The following SUPT3H variants were observed in gnomAD, a reference collection of about 807,000 sequenced individuals.
SUPT3H encodes transcription initiation protein SPT3 homolog.
A neutral mutation model predicts 44.3 loss-of-function variants in SUPT3H; 44 were observed. The ratio of observed to expected loss-of-function variants is 0.99; its 90% CI spans 0.78 to 1.28. The LOEUF (loss-of-function observed/expected upper bound fraction) is 1.28, where lower values mean the gene tolerates loss of function less well. Among genes scored for constraint, SUPT3H ranks in the 50% most tolerant of loss-of-function variants. SUPT3H has a pLI of 0.00. For missense variants in SUPT3H, 380 were observed against 387.1 expected (o/e 0.98, Z 0.15); for synonymous variants, 124 against 125.6 (o/e 0.99, Z 0.09).
At chr6:45,185,711 G>A (rs1814092122) in intron 2 of SUPT3H, among the ~76,000 whole-genome samples, 1 of 152,118 alleles carries the variant, frequency 6.6e-6, no homozygotes, top group African/African-American at 2.4e-5. Context: ...ACACACCTAG[G>A]GGCTACCCCA....
At chr6:45,105,831 C>G in intron 3 of SUPT3H, 91 bp downstream of exon 3, 1 of 976,928 alleles carries the variant, frequency 1.0e-6, no homozygotes, top group South Asian at 1.7e-5. Flanking sequence ...AGAATTCCAG[C>G]TGTAAATAAA....
chr6:45,372,027 A>G, intron 1 of SUPT3H: 1 of 961,324 alleles, frequency 1.0e-6, no homozygotes, highest in African/African-American at 1.8e-5. Context: ...AGAATATACA[A>G]ATAAAAGTTT....
chr6:44,889,304 A>G (rs562873856), intron 10 of SUPT3H, among the ~76,000 whole-genome samples: 14 of 152,274 alleles, frequency 9.2e-5, no homozygotes, highest in African/African-American at 3.1e-4. Flanking sequence ...AGCCCGCATC[A>G]CCAAGTCAAT....
At chr6:45,123,230 G>A (rs1285670570) in intron 2 of SUPT3H, among the ~76,000 whole-genome samples, 1 of 152,048 alleles carries the variant, frequency 6.6e-6, no homozygotes, top group Admixed American at 6.6e-5. Context: ...TCCAAAATTA[G>A]TACATACCAC....
chr6:44,868,378 A>T (rs1308698317), intron 10 of SUPT3H, among the ~76,000 whole-genome samples: 1 of 152,204 alleles, frequency 6.6e-6, no homozygotes, highest in Non-Finnish European at 1.5e-5. Flanking sequence ...CAATAATTAT[A>T]CTTTTTAAAG....
At chr6:44,858,455 T>C (rs1774092107) in intron 10 of SUPT3H, among the ~76,000 whole-genome samples, 1 of 152,234 alleles carries the variant, frequency 6.6e-6, no homozygotes, top group African/African-American at 2.4e-5. Flanking sequence ...GAACCTTCTG[T>C]ATTTTGTTGC....
At chr6:45,258,904 T>C (rs1773865794) in intron 2 of SUPT3H, among the ~76,000 whole-genome samples, 1 of 152,176 alleles carries the variant, frequency 6.6e-6, no homozygotes, top group South Asian at 2.1e-4. Context: ...ACAAAAATTT[T>C]TGTTCATTTT....
intron 2 of SUPT3H, among the ~76,000 whole-genome samples, chr6:45,284,711 A>C (rs895812243): frequency 6.6e-6 from 1 of 152,246 alleles, no homozygotes; most frequent in Non-Finnish European, 1.5e-5. Context: ...TCCAATCAAC[A>C]GAAAAAGAGG....
chr6:45,255,823 G>A (rs1201855376), intron 2 of SUPT3H, among the ~76,000 whole-genome samples: 1 of 152,244 alleles, frequency 6.6e-6, no homozygotes, highest in South Asian at 2.1e-4. Context: ...TATATTCGCA[G>A]ATATGTGCAA....
At chr6:45,184,924 C>A (rs1157440609) in intron 2 of SUPT3H, among the ~76,000 whole-genome samples, 1 of 152,158 alleles carries the variant, frequency 6.6e-6, no homozygotes, top group African/African-American at 2.4e-5. Flanking sequence ...TTACCACCCA[C>A]TTTCAGCAGG....
In SUPT3H at chr6:45,181,581, T is replaced by A. The variant is rs1348922116; in HGVS notation, c.102-75575A>T. ...GTCCTTTGTAGGGACATGGATGAAA[T>A]TGGAAATCATCATTCTCAGTAAACC... is the stretch of plus-strand genomic sequence containing the variant. On this transcript the variant is annotated intron_variant, in intron 2 of 10. Transcript: ENST00000371459. Among the ~76,000 whole-genome samples, 6 of 151,568 alleles carry A rather than the reference T, an allele frequency of 4.0e-5. No homozygotes were observed. The East Asian group carries it at 1.2e-3, about 30-fold the overall frequency.
intron 2 of SUPT3H, among the ~76,000 whole-genome samples, chr6:45,179,505 C>T (rs1484113163): frequency 1.3e-5 from 2 of 152,150 alleles, no homozygotes; most frequent in Admixed American, 6.5e-5. Flanking sequence ...CCAAATCCAG[C>T]AGCACATCAA....
At chr6:44,811,242 C>T (rs1766498890) in intron 11 of SUPT3H, among the ~76,000 whole-genome samples, 1 of 152,134 alleles carries the variant, frequency 6.6e-6, no homozygotes, top group Non-Finnish European at 1.5e-5. Context: ...GTCAGGTATT[C>T]TGTAATGCCT....
chr6:44,809,512 A>G (rs1377249667), intron 11 of SUPT3H: 1 of 152,264 alleles, frequency 6.6e-6, no homozygotes, highest in African/African-American at 2.4e-5. Flanking sequence ...CTACAGGGAC[A>G]GAGAGAAATA....
intron 2 of SUPT3H, among the ~76,000 whole-genome samples, chr6:45,224,888 C>A (rs1487444547): frequency 1.3e-5 from 2 of 151,872 alleles, no homozygotes; most frequent in Non-Finnish European, 2.9e-5. Context: ...TCTATCATTG[C>A]CACTATAATA....
In SUPT3H at chr6:45,014,854, C is replaced by T. The variant is rs774235783; in HGVS notation, c.311G>A (p.Arg104Gln). Residue 104 changes from arginine (R) to glutamine (Q), a missense_variant, in exon 5 of 11, where the codon CGA becomes CAA. Coordinates refer to ENST00000371459, the MANE Select transcript of SUPT3H (RefSeq NM_003599.4). ...TTTGACAATCTTTGATTTGTAGTCT[C>T]GGATAAACATGTATTTTAGCAGTCT... The part of the protein sequence containing the change: ...LRRLLKYMFI[R>Q]DYKSKIVKGI... The T allele has an allele frequency of 9.4e-6, 15 of 1,589,852 alleles. No individual in the cohort carries two copies. The highest frequency in any genetic ancestry group is 1.2e-5 in the South Asian group (1 of 85,612).
intron 2 of SUPT3H, among the ~76,000 whole-genome samples, chr6:45,331,664 A>C (rs907940970): frequency 1.8e-4 from 28 of 152,100 alleles, no homozygotes; most frequent in African/African-American, 6.7e-4. Flanking sequence ...TTTTATTTTT[A>C]AAAAATGTTT....
At chr6:44,868,332 T>A (rs1281159929) in intron 10 of SUPT3H, among the ~76,000 whole-genome samples, 1 of 152,176 alleles carries the variant, frequency 6.6e-6, no homozygotes, top group Admixed American at 6.5e-5. Context: ...AAACGTAAAG[T>A]AAAATTTAAA....
In SUPT3H at chr6:45,034,357, CAA is replaced by C. The variant is rs144209915; in HGVS notation, c.187-13727_187-13726del. 7.0e-3 allele frequency among the ~76,000 whole-genome samples: 1,062 copies of C among 151,896 alleles called. 21 individuals carry two copies. The highest frequency in any genetic ancestry group is 0.024 in the African/African-American group (1,009 of 41,420). On this transcript the variant is annotated intron_variant, in intron 3 of 10. Transcript: ENST00000371459. Reference sequence around the variant, plus strand: ...CAGAAGTCAGAGGGCAAGAGAGATCCAAAGAGACTAGCCTCCTGGAACACAGA... The same window carrying C: ...CAGAAGTCAGAGGGCAAGAGAGATCCAGAGACTAGCCTCCTGGAACACAGA...
Sources: allele counts gnomAD v4.1 joint callset (sites outside exome capture counted in the v4.1 genomes callset), GRCh38; gene constraint gnomAD v4.1.1; transcripts MANE v1.5; gene names NCBI Gene and HGNC (gene_info 2026-07-23, HGNC 2026-07-21).